The following PXDNL variants were observed in gnomAD, a reference collection of about 807,000 sequenced individuals.
The protein encoded by PXDNL is probable oxidoreductase PXDNL.
Under a neutral mutation model 150.8 loss-of-function variants are expected in PXDNL, and 145 were observed. That is an observed-to-expected ratio of 0.96 (90% CI 0.84 to 1.10). The LOEUF (loss-of-function observed/expected upper bound fraction) is 1.10. PXDNL is among the 50% of genes least tolerant of loss of function. The pLI is 0.00. For synonymous variants in PXDNL, 757 were observed against 725.7 expected, an observed-to-expected ratio of 1.04 and a Z score of -0.69; for missense variants, 2,087 against 1,873.9, an observed-to-expected ratio of 1.11 and a Z score of -2.10.
At chr8:51,550,939 A>T (rs1197667233) in intron 4 of PXDNL, among the ~76,000 whole-genome samples, 1 of 152,218 alleles carries the variant, frequency 6.6e-6, no homozygotes, top group Non-Finnish European at 1.5e-5. Flanking sequence ...AAGAGCTCTT[A>T]GATCTGATAA....
Position 51,809,417 on chromosome 8 carries a change from G to GCAGT in PXDNL, c.-77_-74dup. The GCAGT allele has an allele frequency of 7.1e-7, 1 of 1,407,682 alleles. No individual in the cohort carries two copies. Among genetic ancestry groups the GCAGT allele is most frequent in the Non-Finnish European group, 9.4e-7 (1 of 1,061,670 alleles). 87.2% of individuals were successfully genotyped at this position (1,407,682 alleles called of 1,614,324 possible). A position where few individuals can be genotyped will look rare whatever the true frequency, so the allele number is the denominator to read the frequency against. On this transcript the variant is annotated 5_prime_UTR_variant, in exon 1 of 23. Transcript: ENST00000356297. ...AGCAGCTGCAGCTGCAGCAGCAACC[G>GCAGT]CAGTGGTGGTGATGGTGGCTGCTGG... is the stretch of plus-strand genomic sequence containing the variant.
intron 5 of PXDNL, among the ~76,000 whole-genome samples, chr8:51,494,872 G>A (rs1341426328): frequency 2.6e-5 from 4 of 151,872 alleles, no homozygotes; most frequent in Admixed American, 6.6e-5. Flanking sequence ...ACAGATCAAC[G>A]AGACAGAAAG....
At chr8:51,656,759 G>A (rs990381853) in intron 1 of PXDNL, among the ~76,000 whole-genome samples, 2 of 152,060 alleles carry the variant, frequency 1.3e-5, no homozygotes, top group Admixed American at 6.6e-5. Context: ...CCTTGATATA[G>A]TTGCTTCTAC....
intron 1 of PXDNL, among the ~76,000 whole-genome samples, chr8:51,765,715 G>A (rs1221315891): frequency 1.3e-5 from 2 of 151,946 alleles, no homozygotes; most frequent in Non-Finnish European, 2.9e-5. Flanking sequence ...ATAAAGATAA[G>A]GTGGGATTTA....
At chr8:51,403,088 C>T (rs1317128049) in intron 17 of PXDNL, among the ~76,000 whole-genome samples, 1 of 52,880 alleles carries the variant, frequency 1.9e-5, no homozygotes, top group Non-Finnish European at 3.9e-5. Flanking sequence ...ACTCCCTCTC[C>T]AAAAAAAAAA....
intron 3 of PXDNL, among the ~76,000 whole-genome samples, chr8:51,578,025 GGA>G (rs1813121001): frequency 1.7e-5 from 2 of 115,544 alleles, no homozygotes; most frequent in African/African-American, 7.8e-5. Flanking sequence ...AAGGAAGGAA[GGA>G]AGGAAGGAAG....
At position 51,345,952 on chromosome 8, in the gene PXDNL, G is replaced by A. The variant is rs1233035555; in HGVS notation, c.3902-5C>T. On this transcript the variant is annotated splice_polypyrimidine_tract_variant and splice_region_variant and intron_variant, in intron 19 of 22. Transcript: ENST00000356297. ...ACTGTCCTCTACTCCTACAGTCTGT[G>A]GGGAAAGAAGTAACCACAATAGCAT... is the stretch of plus-strand genomic sequence containing the variant. 2.6e-6 allele frequency: 4 copies of A among 1,562,028 alleles called. No individual in the cohort carries two copies. The highest frequency in any genetic ancestry group is 3.5e-6 in the Non-Finnish European group (4 of 1,132,812).
chr8:51,410,321 C>A (rs1219750303), intron 16 of PXDNL, among the ~76,000 whole-genome samples: 1 of 152,206 alleles, frequency 6.6e-6, no homozygotes, highest in Admixed American at 6.5e-5. Context: ...TAAAAGTTAC[C>A]ATCCTTATTT....
intron 3 of PXDNL, among the ~76,000 whole-genome samples, chr8:51,570,003 A>G (rs1032818994): frequency 6.6e-5 from 10 of 151,986 alleles, no homozygotes; most frequent in Non-Finnish European, 1.5e-5. Context: ...GCTGCAGAGC[A>G]GCTTTAGCAG....
intron 4 of PXDNL, among the ~76,000 whole-genome samples, chr8:51,554,624 G>T (rs1321406661): frequency 6.6e-6 from 1 of 152,142 alleles, no homozygotes; most frequent in East Asian, 1.9e-4. Context: ...TATTCCACCA[G>T]ATGTCCCAGT....
At chr8:51,439,772 C>G (rs1356339546) in intron 12 of PXDNL, among the ~76,000 whole-genome samples, 1 of 147,994 alleles carries the variant, frequency 6.8e-6, no homozygotes, top group African/African-American at 2.5e-5. Context: ...TTGCAGTAAG[C>G]CAAGATCGCA....
At chr8:51,440,040 C>CAT (rs149260600) in intron 12 of PXDNL, among the ~76,000 whole-genome samples, 3,412 of 150,344 alleles carry the variant, frequency 0.023, 130 homozygotes, top group African/African-American at 0.072. Context: ...GACAGATATA[C>CAT]ATATATATAT....
intron 3 of PXDNL, among the ~76,000 whole-genome samples, chr8:51,577,985 AAGAAAGAAAGAAAG>A (rs1813107990): frequency 1.2e-5 from 1 of 83,858 alleles, no homozygotes; most frequent in Non-Finnish European, 2.6e-5. Context: ...GAAAGAAAGA[AAGAAAGAAAGAAAG>A]AGGAAGGAAG....
intron 17 of PXDNL, among the ~76,000 whole-genome samples, chr8:51,399,563 T>C (rs1476613609): frequency 6.6e-6 from 1 of 152,156 alleles, no homozygotes; most frequent in Non-Finnish European, 1.5e-5. Flanking sequence ...ATGTGGTTGC[T>C]GGGAAGGGTC....
intron 17 of PXDNL, among the ~76,000 whole-genome samples, chr8:51,401,424 T>C (rs1808245650): frequency 6.6e-6 from 1 of 152,080 alleles, no homozygotes; most frequent in African/African-American, 2.4e-5. Context: ...CAGCAGAGAC[T>C]AGAGATGAAG....
At chr8:51,336,339 T>C (rs964162615) in intron 21 of PXDNL, among the ~76,000 whole-genome samples, 7 of 152,192 alleles carry the variant, frequency 4.6e-5, no homozygotes, top group African/African-American at 1.4e-4. Context: ...TGGTGAGTAA[T>C]AGAAAAACCA....
At chr8:51,455,115 C>CAAAAAAAAAAAAAAAA (rs536468204) in intron 9 of PXDNL, among the ~76,000 whole-genome samples, 2,636 of 15,800 alleles carry the variant, frequency 0.17, 1,064 homozygotes, top group Non-Finnish European at 0.22. Flanking sequence ...GACTCCGTCT[C>CAAAAAAAAAAAAAAAA]AAAAAAAAAA....
chr8:51,434,972 A>C (rs557022056), intron 12 of PXDNL, among the ~76,000 whole-genome samples: 2 of 152,318 alleles, frequency 1.3e-5, no homozygotes, highest in African/African-American at 4.8e-5. Flanking sequence ...CACCCAGATA[A>C]AGTGCTCTGT....
At chr8:51,598,255 A>ACTT (rs1021440924) in intron 2 of PXDNL, among the ~76,000 whole-genome samples, 4 of 152,092 alleles carry the variant, frequency 2.6e-5, no homozygotes, top group Admixed American at 2.0e-4. Flanking sequence ...TTTTGCTAGC[A>ACTT]CTTTTAGTAG....
Sources: allele counts gnomAD v4.1 joint callset (sites outside exome capture counted in the v4.1 genomes callset), GRCh38; gene constraint gnomAD v4.1.1; transcripts MANE v1.5; gene names NCBI Gene and HGNC (gene_info 2026-07-23, HGNC 2026-07-21).